Variants in AGBL4 observed in about 807,000 individuals in gnomAD.
AGBL4 encodes AGBL carboxypeptidase 4, also known as cytosolic carboxypeptidase 6.
Under a neutral mutation model 66.4 loss-of-function variants are expected in AGBL4, and 58 were observed. The ratio of observed to expected loss-of-function variants is 0.87; its 90% CI spans 0.71 to 1.09. AGBL4 has a LOEUF of 1.09. Among genes scored for constraint, AGBL4 ranks in the 50% least tolerant of loss-of-function variants. AGBL4 has a pLI of 0.00. For synonymous variants in AGBL4, 234 were observed against 222.9 expected (o/e 1.05, Z -0.44); for missense variants, 579 against 631.0 (o/e 0.92, Z 0.88).
At chr1:49,997,017 C>A (rs533561049) in intron 1 of AGBL4, among the ~76,000 whole-genome samples, 1 of 152,078 alleles carries the variant, frequency 6.6e-6, no homozygotes, top group African/African-American at 2.4e-5. Context: ...GAGGATTTGC[C>A]AAAATCAAAT....
intron 1 of AGBL4, among the ~76,000 whole-genome samples, chr1:49,872,408 C>T (rs1337608231): frequency 6.6e-6 from 1 of 151,954 alleles, no homozygotes; most frequent in Non-Finnish European, 1.5e-5. Flanking sequence ...TTTCAAATGG[C>T]ATTAAGAACA....
intron 3 of AGBL4, among the ~76,000 whole-genome samples, chr1:49,666,566 A>AAAAT (rs1009609708): frequency 5.3e-5 from 8 of 151,970 alleles, no homozygotes; most frequent in African/African-American, 1.7e-4. Flanking sequence ...ACTCTGTCTC[A>AAAAT]AAATAAATAA....
intron 6 of AGBL4, chr1:48,776,518 C>T: frequency 1.0e-6 from 1 of 995,660 alleles, no homozygotes; most frequent in Non-Finnish European, 1.4e-6. Flanking sequence ...AGTGGCTCCC[C>T]CCGGTCCCCT....
intron 2 of AGBL4, among the ~76,000 whole-genome samples, chr1:49,736,453 A>G (rs1159549103): frequency 2.6e-5 from 4 of 152,160 alleles, no homozygotes; most frequent in African/African-American, 4.8e-5. Context: ...AAAATTCAAA[A>G]ATCCATGGAA....
chr1:49,983,436 A>AC (rs1659241311), intron 1 of AGBL4, among the ~76,000 whole-genome samples: 1 of 152,138 alleles, frequency 6.6e-6, no homozygotes, highest in South Asian at 2.1e-4. Context: ...CAGTGGTGGG[A>AC]CCCCATGCTC....
At chr1:49,272,160 A>T (rs1428151059) in intron 3 of AGBL4, among the ~76,000 whole-genome samples, 2 of 152,218 alleles carry the variant, frequency 1.3e-5, no homozygotes, top group African/African-American at 4.8e-5. Flanking sequence ...TAACGGAGTA[A>T]AATATAAAAC....
chr1:48,955,598 G>A (rs1657384000), intron 5 of AGBL4, among the ~76,000 whole-genome samples: 1 of 152,152 alleles, frequency 6.6e-6, no homozygotes. Context: ...GCTCACTACA[G>A]CCTCAAACTC....
At chr1:49,026,812 C>G (rs1663735153) in intron 5 of AGBL4, among the ~76,000 whole-genome samples, 1 of 152,144 alleles carries the variant, frequency 6.6e-6, no homozygotes, top group African/African-American at 2.4e-5. Flanking sequence ...TGAAGCACAT[C>G]TATGTCCTTG....
chr1:49,878,548 T>A (rs2148133409), intron 1 of AGBL4, among the ~76,000 whole-genome samples: 1 of 152,242 alleles, frequency 6.6e-6, no homozygotes, highest in East Asian at 1.9e-4. Context: ...TTTCTGTTCT[T>A]TTACATTTGC....
intron 4 of AGBL4, among the ~76,000 whole-genome samples, chr1:49,072,964 A>G (rs1371739510): frequency 1.3e-5 from 2 of 151,560 alleles, no homozygotes; most frequent in African/African-American, 2.4e-5. Flanking sequence ...TTTTTATCTA[A>G]TCTTGTCTTC....
At chr1:48,834,031 A>G (rs1216876718) in intron 6 of AGBL4, among the ~76,000 whole-genome samples, 1 of 152,168 alleles carries the variant, frequency 6.6e-6, no homozygotes, top group Non-Finnish European at 1.5e-5. Context: ...TTTGCAAGCC[A>G]TAATATCTAA....
At chr1:49,632,833 C>A (rs1458131363) in intron 3 of AGBL4, among the ~76,000 whole-genome samples, 1 of 77,454 alleles carries the variant, frequency 1.3e-5, no homozygotes, top group East Asian at 2.1e-4. Context: ...CACACTAGAA[C>A]AGTGTGCCTA....
intron 3 of AGBL4, among the ~76,000 whole-genome samples, chr1:49,470,186 T>A (rs753760920): frequency 1.3e-5 from 2 of 151,974 alleles, no homozygotes; most frequent in Non-Finnish European, 2.9e-5. Flanking sequence ...GAAAACAGAA[T>A]TTATTTAATC....
chr1:49,895,775 C>T (rs1248245954), intron 1 of AGBL4, among the ~76,000 whole-genome samples: 1 of 151,558 alleles, frequency 6.6e-6, no homozygotes, highest in Non-Finnish European at 1.5e-5. Flanking sequence ...AGAGAATCAC[C>T]TTCATGAAAA....
At position 48,985,372 on chromosome 1, in the gene AGBL4, A is replaced by C. The variant is rs1417930714; in HGVS notation, c.594+60212T>G. Among the ~76,000 whole-genome samples the C allele has an allele frequency of 2.6e-5, 4 of 152,140 alleles. No individual in the cohort carries two copies. In the East Asian group the frequency reaches 7.7e-4, roughly 29 times the overall value. ...CAGAAAAAATTAAAGAGCTTTGCCAAGGGTTCTCCTTGAGTATTCAGTAGA... is the reference window on the plus strand; with the variant it reads ...CAGAAAAAATTAAAGAGCTTTGCCACGGGTTCTCCTTGAGTATTCAGTAGA... On this transcript the variant is annotated intron_variant, in intron 5 of 13. Coordinates refer to ENST00000371839, the MANE Select transcript of AGBL4 (RefSeq NM_032785.4).
At chr1:49,212,033 G>A in intron 4 of AGBL4, among the ~76,000 whole-genome samples, 1 of 151,978 alleles carries the variant, frequency 6.6e-6, no homozygotes, top group East Asian at 1.9e-4. Flanking sequence ...TTTTACAGAT[G>A]GTGAAACTAA....
At chr1:48,730,639 T>A (rs1647958381) in intron 6 of AGBL4, among the ~76,000 whole-genome samples, 1 of 152,158 alleles carries the variant, frequency 6.6e-6, no homozygotes, top group South Asian at 2.1e-4. Flanking sequence ...TCATTCTCAT[T>A]TCCTGTGGGT....
intron 9 of AGBL4, among the ~76,000 whole-genome samples, chr1:48,620,984 C>T (rs1645404108): frequency 1.3e-5 from 2 of 152,070 alleles, no homozygotes; most frequent in African/African-American, 4.8e-5. Flanking sequence ...GTCCTTGCTC[C>T]TAATCCCTAT....
chr1:49,847,405 T>C (rs1242897072), intron 2 of AGBL4, among the ~76,000 whole-genome samples: 3 of 151,958 alleles, frequency 2.0e-5, no homozygotes, highest in Non-Finnish European at 2.9e-5. Context: ...CAAAAATAGA[T>C]CTATGGGACT....
Sources: gnomAD v4.1 joint callset for allele counts (sites outside exome capture counted in the v4.1 genomes callset) on GRCh38, gnomAD v4.1.1 for gene constraint, MANE v1.5 for transcripts, NCBI Gene and HGNC (gene_info 2026-07-23, HGNC 2026-07-21) for gene names.